The following PLSCR2 variants were observed in gnomAD, a reference collection of about 807,000 sequenced individuals.
PLSCR2 encodes the protein PL scramblase 2.
Under a neutral mutation model 25.3 loss-of-function variants are expected in PLSCR2, and 18 were observed. The ratio of observed to expected loss-of-function variants is 0.71; its 90% CI spans 0.49 to 1.06. The LOEUF (loss-of-function observed/expected upper bound fraction) is 1.06, where lower values mean the gene tolerates loss of function less well. Among genes scored for constraint, PLSCR2 ranks in the 50% least tolerant of loss-of-function variants. The probability of loss-of-function intolerance (pLI) is 0.00; values close to 1 mark genes in which losing one functional copy is unlikely to be tolerated. For synonymous variants in PLSCR2, 88 were observed against 87.3 expected (o/e 1.01, Z -0.04); for missense variants, 243 against 269.5 (o/e 0.90, Z 0.69).
rs377477350 is a variant in PLSCR2, at chr3:146,395,904, C to T, written c.*1G>A. The T allele has an allele frequency of 9.0e-4, 292 of 323,084 alleles. 3 individuals are homozygous for T. The highest frequency in any genetic ancestry group is 7.4e-3 in the South Asian group (288 of 39,038). The allele number at this position is 323,084 out of a possible 1,614,324, so 20.0% of individuals were successfully genotyped here. A position where few individuals can be genotyped will look rare whatever the true frequency, so the allele number is the denominator to read the frequency against. On this transcript the variant is annotated 3_prime_UTR_variant and NMD_transcript_variant, in exon 3 of 4. Transcript: ENST00000463633. The stretch of plus-strand genomic sequence containing the variant: ...TTGAAATCTTTCCAATAACCATTTC[C>T]TCATCCAGAGTCAATAACTAAAATG...
At chr3:146,464,681 CTTCT>C (rs1373793044), upstream of PLSCR2, among the ~76,000 whole-genome samples, 2 of 152,162 alleles carry the variant, frequency 1.3e-5, no homozygotes, top group Non-Finnish European at 2.9e-5. Flanking sequence ...TTACTACACA[CTTCT>C]TTCTAACTCT....
chr3:146,460,352 T>C (rs964817926), exon 1 of PLSCR2: 7 of 367,118 alleles, frequency 1.9e-5, no homozygotes, highest in Non-Finnish European at 2.5e-5. Flanking sequence ...TATGCTTTTA[T>C]ACCTGTGAAA....
intron 2 of PLSCR2, among the ~76,000 whole-genome samples, chr3:146,423,284 C>CTCA: frequency 1.8e-5 from 1 of 55,640 alleles, no homozygotes; most frequent in African/African-American, 5.5e-5. Context: ...TCTCTCTCTC[C>CTCA]CTGGCTAGAT....
intron 3 of PLSCR2, 101 bp from the exon 4 acceptor site, chr3:146,455,560 A>G: frequency 1.4e-6 from 1 of 707,506 alleles, no homozygotes; most frequent in Non-Finnish European, 2.4e-6. Context: ...CAAGTATCAT[A>G]GAAAGAACAA....
At chr3:146,446,271 G>A (rs1257201874) in intron 6 of PLSCR2, among the ~76,000 whole-genome samples, 1 of 152,082 alleles carries the variant, frequency 6.6e-6, no homozygotes, top group Non-Finnish European at 1.5e-5. Flanking sequence ...TGCAGTCTGG[G>A]CTTGTTTGTA....
downstream of PLSCR2, among the ~76,000 whole-genome samples, chr3:146,432,437 C>T (rs1467060570): frequency 2.0e-5 from 3 of 152,032 alleles, no homozygotes; most frequent in Admixed American, 2.0e-4. Flanking sequence ...AAAATGGTGG[C>T]CTGAGATGTG....
At chr3:146,476,112 G>A (rs1055894684) in intron 1 of PLSCR2, among the ~76,000 whole-genome samples, 1 of 152,008 alleles carries the variant, frequency 6.6e-6, no homozygotes, top group Non-Finnish European at 1.5e-5. Context: ...GGGCCAAGAA[G>A]GCTGACAAGA....
chr3:146,478,817 G>C (rs1018393598), intron 1 of PLSCR2, among the ~76,000 whole-genome samples: 2 of 152,122 alleles, frequency 1.3e-5, no homozygotes, highest in African/African-American at 4.8e-5. Context: ...TTGAAATGAA[G>C]GAAAAAATGT....
chr3:146,398,594 A>T (rs2107988804), intron 2 of PLSCR2: 1 of 151,292 alleles, frequency 6.6e-6, no homozygotes, highest in East Asian at 1.9e-4. Flanking sequence ...TTCATTAATT[A>T]TATATTAAAG....
At chr3:146,474,628 G>A (rs955882004) in intron 1 of PLSCR2, among the ~76,000 whole-genome samples, 5 of 152,018 alleles carry the variant, frequency 3.3e-5, no homozygotes, top group Admixed American at 6.6e-5. Flanking sequence ...TGATCTTCTC[G>A]TGGAGTATCT....
intron 2 of PLSCR2, among the ~76,000 whole-genome samples, chr3:146,405,791 C>T (rs1329186126): frequency 6.6e-6 from 1 of 152,142 alleles, no homozygotes; most frequent in Admixed American, 6.6e-5. Flanking sequence ...GTTGAACATG[C>T]TTTGATACCA....
intron 1 of PLSCR2, chr3:146,494,603 TAA>T (rs529739296): frequency 1.4e-3 from 210 of 152,284 alleles, no homozygotes; most frequent in African/African-American, 4.5e-3. Flanking sequence ...GTATTATTCT[TAA>T]GTCTATTTAA....
downstream of PLSCR2, among the ~76,000 whole-genome samples, chr3:146,440,934 C>T (rs373928494): frequency 6.6e-6 from 1 of 152,124 alleles, no homozygotes; most frequent in Non-Finnish European, 1.5e-5. Context: ...TTGTAACTAA[C>T]ATATTCTGGG....
At chr3:146,392,499 A>G (rs796403137) in intron 3 of PLSCR2, among the ~76,000 whole-genome samples, 5 of 152,106 alleles carry the variant, frequency 3.3e-5, no homozygotes, top group African/African-American at 1.2e-4. Context: ...ATTATTTTTC[A>G]TAATATTTGT....
intron 5 of PLSCR2, among the ~76,000 whole-genome samples, chr3:146,451,080 C>T (rs1576657606): frequency 6.9e-6 from 1 of 144,298 alleles, no homozygotes; most frequent in East Asian, 2.1e-4. Flanking sequence ...GTATTTACAA[C>T]ATCATAAGAA....
chr3:146,405,646 G>A (rs1330579656), intron 2 of PLSCR2, among the ~76,000 whole-genome samples: 1 of 152,142 alleles, frequency 6.6e-6, no homozygotes, highest in Non-Finnish European at 1.5e-5. Flanking sequence ...AGATACATAA[G>A]TTTGACAGAA....
intron 2 of PLSCR2, among the ~76,000 whole-genome samples, chr3:146,418,181 T>C (rs1054937895): frequency 6.6e-6 from 1 of 152,204 alleles, no homozygotes; most frequent in Non-Finnish European, 1.5e-5. Context: ...GATTATGATA[T>C]AGGTATGTTG....
chr3:146,419,538 A>G (rs2039082827), intron 2 of PLSCR2, among the ~76,000 whole-genome samples: 2 of 152,104 alleles, frequency 1.3e-5, no homozygotes, highest in Admixed American at 1.3e-4. Context: ...ATCACTACAT[A>G]CTTAGTGGCT....
At chr3:146,427,475 T>TAG (rs1204291168) in intron 2 of PLSCR2, among the ~76,000 whole-genome samples, 1 of 152,158 alleles carries the variant, frequency 6.6e-6, no homozygotes, top group African/African-American at 2.4e-5. Flanking sequence ...CTTCTTAACA[T>TAG]GGCTAACAAG....
Sources: allele counts gnomAD v4.1 joint callset (sites outside exome capture counted in the v4.1 genomes callset), GRCh38; gene constraint gnomAD v4.1.1; transcripts MANE v1.5; gene names NCBI Gene and HGNC (gene_info 2026-07-23, HGNC 2026-07-21).